Variants in CSTL1 observed in about 807,000 individuals in gnomAD.
The protein encoded by CSTL1 is cystatin-like 1.
A neutral mutation model predicts 14.4 loss-of-function variants in CSTL1; 14 were observed. The ratio of observed to expected loss-of-function variants is 0.97; its 90% confidence interval spans 0.64 to 1.52. CSTL1 has a LOEUF of 1.52. CSTL1 is among the 40% of genes most tolerant of loss of function. The pLI is 0.00. For missense variants in CSTL1, 170 were observed against 168.7 expected, an observed-to-expected ratio of 1.01 and a Z score of -0.04; for synonymous variants, 72 against 67.5, an observed-to-expected ratio of 1.07 and a Z score of -0.33.
At chr20:23,458,930 G>A in the CSTL1 span, 2 of 152,220 alleles carry the variant, frequency 1.3e-5, no homozygotes, top group South Asian at 2.1e-4. Flanking sequence ...TAGGTTTATA[G>A]GAGTCTAAGA....
chr20:23,451,872 T>C, the CSTL1 span: 1 of 1,614,100 alleles, frequency 6.2e-7, no homozygotes, highest in Non-Finnish European at 8.5e-7. Flanking sequence ...TTTTGGCAGG[T>C]GGTCCACTGC....
downstream of CSTL1, among the ~76,000 whole-genome samples, chr20:23,445,231 C>CT (rs11478198): frequency 0.018 from 2,396 of 134,138 alleles, 48 homozygotes; most frequent in Middle Eastern, 0.034. Flanking sequence ...TTCTTTCTTT[C>CT]TTTTTTTTTT....
the CSTL1 span, among the ~76,000 whole-genome samples, chr20:23,460,925 T>C: frequency 6.6e-6 from 1 of 152,156 alleles, no homozygotes; most frequent in African/African-American, 2.4e-5. Flanking sequence ...TCCCCCATAT[T>C]CTGCCCACAA....
downstream of CSTL1, among the ~76,000 whole-genome samples, chr20:23,445,449 A>G (rs1242852219): frequency 2.6e-5 from 4 of 152,104 alleles, no homozygotes; most frequent in South Asian, 2.1e-4. Flanking sequence ...TGTGGAGACA[A>G]TATCTCCCTT....
At chr20:23,453,756 T>TTCGAGG in the CSTL1 span, among the ~76,000 whole-genome samples, 8 of 152,154 alleles carry the variant, frequency 5.3e-5, no homozygotes, top group South Asian at 6.2e-4. Flanking sequence ...CAACGCCTGT[T>TTCGAGG]TCGAGGCTTC....
chr20:23,458,855 C>T, the CSTL1 span, among the ~76,000 whole-genome samples: 5 of 152,218 alleles, frequency 3.3e-5, no homozygotes, highest in Middle Eastern at 0.01. Context: ...GACTCCTTTT[C>T]CTCACCTTCC....
At chr20:23,460,912 G>A in the CSTL1 span, among the ~76,000 whole-genome samples, 14 of 152,222 alleles carry the variant, frequency 9.2e-5, no homozygotes, top group Admixed American at 5.2e-4. Context: ...AAAGCTACTC[G>A]CCTCCCCCAT....
chr20:23,440,261 T>G lies in CSTL1; in HGVS notation c.-7T>G. The G allele has an allele frequency of 6.2e-7, 1 of 1,613,912 alleles. No homozygotes were observed. Among genetic ancestry groups the G allele is most frequent in the South Asian group, 1.1e-5 (1 of 91,068 alleles). ...CAGTTGGGAAGAAAGTTTCTGAGGC[T>G]GTAGACATGGGGATCGGATGCTGGA... On this transcript the variant is annotated 5_prime_UTR_variant, in exon 2 of 4. Transcript: ENST00000347397.
At chr20:23,451,815 C>A in the CSTL1 span, 1 of 1,612,584 alleles carries the variant, frequency 6.2e-7, no homozygotes, top group Non-Finnish European at 8.5e-7. Flanking sequence ...TTACCCAATA[C>A]CTTGTGAAGC....
intron 2 of CSTL1, 96 bp from the exon 3 acceptor site, chr20:23,443,838 C>A: frequency 2.5e-6 from 2 of 815,230 alleles, no homozygotes; most frequent in Non-Finnish European, 4.1e-6. Flanking sequence ...AGAACTGTGG[C>A]CCTGGGAGCT....
intron 3 of CSTL1, among the ~76,000 whole-genome samples, chr20:23,444,543 C>G (rs1229972655): frequency 1.3e-5 from 2 of 152,204 alleles, no homozygotes; most frequent in Non-Finnish European, 2.9e-5. Context: ...GCCATAGACT[C>G]CAGGTTCACC....
rs1235649607 is a variant in CSTL1 at position 23,440,222 on chromosome 20, C to A, written c.-46C>A. On this transcript the variant is annotated 5_prime_UTR_variant, in exon 2 of 4. Transcript: ENST00000347397. ...AGTGAACTGCAGCCTGGCACCACCA[C>A]ACCCTGGAAGGTGCAGTTGGGAAGA... The A allele has an allele frequency of 6.3e-7, 1 of 1,597,328 alleles. No homozygotes were observed. Among genetic ancestry groups the A allele is most frequent in the African/African-American group, 1.3e-5 (1 of 74,672 alleles).
downstream of CSTL1, among the ~76,000 whole-genome samples, chr20:23,447,799 AGTTGGTAATAGGAT>A (rs1285435449): frequency 1.3e-5 from 2 of 152,206 alleles, no homozygotes; most frequent in African/African-American, 4.8e-5. Context: ...CCTAAGAGTT[AGTTGGTAATAGGAT>A]GTGCTTATGT....
chr20:23,453,354 G>C, the CSTL1 span, among the ~76,000 whole-genome samples: 1 of 152,162 alleles, frequency 6.6e-6, no homozygotes, highest in Non-Finnish European at 1.5e-5. Flanking sequence ...TGTGAAGGGA[G>C]GGAGAGTCAA....
chr20:23,445,911 G>A (rs1374359458), downstream of CSTL1, among the ~76,000 whole-genome samples: 1 of 152,138 alleles, frequency 6.6e-6, no homozygotes, highest in African/African-American at 2.4e-5. Context: ...AACCAGCCAG[G>A]AGCTTCCAGA....
chr20:23,456,593 C>T, the CSTL1 span, among the ~76,000 whole-genome samples: 11 of 152,286 alleles, frequency 7.2e-5, no homozygotes, highest in African/African-American at 2.4e-4. Context: ...GCAGCCCCTC[C>T]CCTGCAGCTC....
chr20:23,454,319 AAC>A, the CSTL1 span, among the ~76,000 whole-genome samples: 2 of 150,158 alleles, frequency 1.3e-5, no homozygotes, highest in African/African-American at 4.9e-5. Context: ...CTCACACTGA[AAC>A]ACACAGACAC....
At chr20:23,444,687 A>T (rs1212312582) in intron 3 of CSTL1, 84 bp from the exon 4 acceptor site, 9 of 850,586 alleles carry the variant, frequency 1.1e-5, no homozygotes, top group Admixed American at 9.6e-5. Context: ...GAGCAGCCAC[A>T]GGGAGAGACC....
chr20:23,447,447 A>G (rs1568636713), downstream of CSTL1, among the ~76,000 whole-genome samples: 1 of 150,076 alleles, frequency 6.7e-6, no homozygotes, highest in Non-Finnish European at 1.5e-5. Flanking sequence ...CATTACATGT[A>G]CTTCTTTTCT....
Sources: allele counts gnomAD v4.1 joint callset (sites outside exome capture counted in the v4.1 genomes callset), GRCh38; gene constraint gnomAD v4.1.1; transcripts MANE v1.5; gene names NCBI Gene and HGNC (gene_info 2026-07-23, HGNC 2026-07-21).